Variants in DNMT3A observed in about 807,000 individuals in gnomAD.
The protein encoded by DNMT3A is DNA methyltransferase 3 alpha, also known as DNA (cytosine-5)-methyltransferase 3A.
DNMT3A carries 267 observed loss-of-function variants against 117.6 expected under a neutral mutation model. The observed-to-expected ratio is 2.27, with a 90% CI of 2.05 to 2.51. DNMT3A has a LOEUF of 2.51. Ranked by LOEUF, DNMT3A falls within the 30% of genes most tolerant of loss-of-function variation. The probability of loss-of-function intolerance (pLI) is 0.00; values close to 1 mark genes in which losing one functional copy is unlikely to be tolerated. For synonymous variants in DNMT3A, 432 were observed against 474.8 expected (o/e 0.91, Z 1.17); for missense variants, 1,029 against 1,260.2 (o/e 0.82, Z 2.78).
At chr2:25,341,311 C>T (rs2035436532) in intron 1 of DNMT3A, among the ~76,000 whole-genome samples, 1 of 145,312 alleles carries the variant, frequency 6.9e-6, no homozygotes, top group South Asian at 2.1e-4. Context: ...TCCCCCGCTC[C>T]CCCGGGCCGC....
In DNMT3A at chr2:25,234,411, AC is replaced by A; in HGVS notation, c.2606del (p.Gly869ValfsTer12). On this transcript the variant is annotated frameshift_variant, in exon 23 of 23. Transcript: ENST00000321117. LOFTEE classifies it high-confidence loss of function. The surrounding 1 kb of genome is among the most constrained non-coding windows in gnomAD (Gnocchi z 4.5). ...LWCTEMERVF[G>X]FPVHYTDVSN... ...AGACGTCAGTATAGTGGACTGGGAA[AC>A]CAAATACCCTGGGGGAGAAAAGGCA... 1 of 1,613,278 alleles carries A rather than the reference AC, an allele frequency of 6.2e-7. No individual in the cohort carries two copies. Among genetic ancestry groups the A allele is most frequent in the Non-Finnish European group, 8.5e-7 (1 of 1,179,510 alleles).
rs2149378785 is a variant in DNMT3A, at chr2:25,282,500, C to T, written c.389G>A (p.Arg130Lys). 1.2e-6 allele frequency: 2 copies of T among 1,613,450 alleles called. No homozygotes were observed. Among genetic ancestry groups the T allele is most frequent in the Non-Finnish European group, 1.7e-6 (2 of 1,179,942 alleles). The change falls in exon 4 of 23, where the codon AGA becomes AAA. Residue 130 changes from arginine to lysine, a missense_variant. Coordinates refer to ENST00000321117, the MANE Select transcript of DNMT3A (RefSeq NM_022552.5). The surrounding 1 kb of genome is among the most constrained non-coding windows in gnomAD (Gnocchi z 5.2). ...GAAETLPEAS[R>K]AVENGCCTPK... ...GGTGCAGCAGCCATTTTCCACTGCT[C>T]TTGAGGCTTCAGGCAGGGTCTCAGC... is the stretch of plus-strand genomic sequence containing the variant.
upstream of DNMT3A, among the ~76,000 whole-genome samples, chr2:25,342,238 T>C (rs1321011497): frequency 6.8e-6 from 1 of 147,420 alleles, no homozygotes; most frequent in Non-Finnish European, 1.5e-5. This position sits in a 1 kb window ranked among gnomAD's most constrained non-coding sequence, Gnocchi z 5.9. Flanking sequence ...TCGGCGCGAC[T>C]TCCCGGCCTC....
In DNMT3A at chr2:25,246,735, G is replaced by A. The variant is rs138150208; in HGVS notation, c.1164C>T (p.His388=). Residue 388 remains histidine, a synonymous_variant, in exon 10 of 23, where the codon CAC becomes CAT. Coordinates refer to ENST00000321117, the MANE Select transcript of DNMT3A (RefSeq NM_022552.5). ...SRAGKLFPVC[H]DSDESDTAKA... ...TGGCAGTGTCACTCTCATCGCTGTC[G>A]TGGCACACCGGGAACAGCTTCCCCG... 4.8e-5 allele frequency: 77 copies of A among 1,613,852 alleles called. No individual in the cohort carries two copies. The African/African-American group carries it at 5.5e-4, about 11-fold the overall frequency.
intron 3 of DNMT3A, among the ~76,000 whole-genome samples, chr2:25,288,415 G>A (rs1432400029): frequency 2.0e-5 from 3 of 151,520 alleles, no homozygotes; most frequent in South Asian, 2.1e-4. Context: ...ACGGAGTCTC[G>A]CTCTGTTGTC....
chr2:25,247,076 C>T lies in DNMT3A; in HGVS notation c.1097G>A (p.Arg366His), dbSNP rs767236033. The T allele has an allele frequency of 7.4e-6, 12 of 1,613,870 alleles. No individual in the cohort carries two copies. Among genetic ancestry groups the T allele is most frequent in the East Asian group, 2.2e-5 (1 of 44,894 alleles). Residue 366 changes from arginine (R) to histidine (H), a missense_variant, in exon 9 of 23, where the codon CGC (arginine) becomes CAC (histidine). Coordinates refer to ENST00000321117, the MANE Select transcript of DNMT3A (RefSeq NM_022552.5). The surrounding 1 kb of genome is among the most constrained non-coding windows in gnomAD (Gnocchi z 5.6). ...CTGCAGGACCTCGTAGATGGCTTTG[C>T]GGTACATGGGCTGCTTGTTGTACGT... ...QATYNKQPMY[R>H]KAIYEVLQVA...
At position 25,300,344 on chromosome 2, in the gene DNMT3A, C is replaced by T; in HGVS notation, c.73-101G>A. ...GCCCTGGCTTCCCTTCCAGCCCCAG[C>T]CTCCTCCTGTCCCACGAGCCACACT... On this transcript the variant is annotated intron_variant, in intron 2 of 22. Coordinates refer to ENST00000321117, the MANE Select transcript of DNMT3A (RefSeq NM_022552.5). The T allele has an allele frequency of 1.3e-5, 17 of 1,333,406 alleles. 1 individual carries two copies. The South Asian group carries it at 2.3e-4, about 18-fold the overall frequency. 82.6% of individuals were successfully genotyped at this position (1,333,406 alleles called of 1,614,324 possible). A position where few individuals can be genotyped will look rare whatever the true frequency, so the allele number is the denominator to read the frequency against.
chr2:25,294,084 C>T lies in DNMT3A; in HGVS notation c.177+6055G>A, dbSNP rs992425468. Among the ~76,000 whole-genome samples the T allele has an allele frequency of 7.9e-5, 12 of 152,228 alleles. No individual in the cohort carries two copies. Among genetic ancestry groups the T allele is most frequent in the African/African-American group, 2.7e-4 (11 of 41,450 alleles). ...TCACCCTGCCCTGCATGCCTTCCTT[C>T]CTCCACACCCAGCTCAGCTGGGGTC... On this transcript the variant is annotated intron_variant, in intron 3 of 22. Coordinates refer to ENST00000321117, the MANE Select transcript of DNMT3A (RefSeq NM_022552.5). This position sits in a 1 kb window ranked among gnomAD's most constrained non-coding sequence, Gnocchi z 4.7.
In DNMT3A at chr2:25,240,394, TG is replaced by T; in HGVS notation, c.2229del (p.Lys744ArgfsTer35). ...AAGAAGGGGCGATCATCTCCCTCCT[TG>T]GGCCGCGCATCATGCAGGAGGCGGT... ...EFYRLLHDAR[P>X]KEGDDRPFFW... On this transcript the variant is annotated frameshift_variant, in exon 19 of 23. Transcript: ENST00000321117. LOFTEE classifies it high-confidence loss of function. 6.2e-7 allele frequency: 1 copy of T among 1,613,952 alleles called. No homozygotes were observed. The highest frequency in any genetic ancestry group is 8.5e-7 in the Non-Finnish European group (1 of 1,179,932).
Position 25,235,677 on chromosome 2 carries a change from C to T in DNMT3A, c.2597+30G>A, listed in dbSNP as rs2304429. On this transcript the variant is annotated intron_variant, in intron 22 of 22. Transcript: ENST00000321117. ...AGCACAGCAATCAGAACAGCCACAC[C>T]GCAGCCAGATGCCAGCACAACCCGG... The T allele has an allele frequency of 0.55, 867,855 of 1,579,922 alleles. 246,712 individuals carry two copies. The highest frequency in any genetic ancestry group is 0.59 in the Non-Finnish European group (676,555 of 1,150,282).
intron 6 of DNMT3A, among the ~76,000 whole-genome samples, chr2:25,264,444 G>GT (rs557389980): frequency 8.4e-5 from 12 of 143,286 alleles, no homozygotes; most frequent in Non-Finnish European, 7.7e-5. Context: ...TGGGCCAAAG[G>GT]TTTTTTTTTT....
chr2:25,295,611 C>T (rs2033042141), intron 3 of DNMT3A, among the ~76,000 whole-genome samples: 1 of 152,212 alleles, frequency 6.6e-6, no homozygotes, highest in South Asian at 2.1e-4. Flanking sequence ...CAGAGAACCC[C>T]TGGGTAGGTA....
At position 25,304,246 on chromosome 2, in the gene DNMT3A, G is replaced by A. The variant is rs2033670053; in HGVS notation, c.73-4003C>T. Among the ~76,000 whole-genome samples the A allele has an allele frequency of 6.6e-6, 1 of 152,176 alleles. No homozygotes were observed. Among genetic ancestry groups the A allele is most frequent in the South Asian group, 2.1e-4 (1 of 4,828 alleles). The stretch of plus-strand genomic sequence containing the variant: ...GTTTCGCTCTGCTCTTTGCTTAGGA[G>A]TAACCTCAAGCTCTTTAACCTCCCT... On this transcript the variant is annotated intron_variant, in intron 2 of 22. Coordinates refer to ENST00000321117, the MANE Select transcript of DNMT3A (RefSeq NM_022552.5). This position sits in a 1 kb window ranked among gnomAD's most constrained non-coding sequence, Gnocchi z 4.3.
chr2:25,333,244 A>G (rs1277879404), intron 1 of DNMT3A, among the ~76,000 whole-genome samples: 3 of 151,930 alleles, frequency 2.0e-5, no homozygotes, highest in Non-Finnish European at 4.4e-5. Context: ...AGAGTCCACC[A>G]TGGGCTTGGG....
chr2:25,313,066 A>G (rs1277382092), intron 2 of DNMT3A, among the ~76,000 whole-genome samples: 1 of 152,148 alleles, frequency 6.6e-6, no homozygotes, highest in East Asian at 1.9e-4. Flanking sequence ...GGTGGCAGTG[A>G]GTTCACCATT....
chr2:25,251,954 G>T, intron 6 of DNMT3A: 1 of 498,664 alleles, frequency 2.0e-6, no homozygotes. Flanking sequence ...TGTCCCCCGA[G>T]GGCGCCAGGT....
chr2:25,238,992 A>G, intron 20 of DNMT3A, 138 bp downstream of exon 20: 1 of 677,856 alleles, frequency 1.5e-6, no homozygotes, highest in Non-Finnish European at 2.5e-6. Flanking sequence ...AGGAAAAGGA[A>G]ATAAGGAACA....
chr2:25,317,926 G>A (rs1277817387), intron 1 of DNMT3A, among the ~76,000 whole-genome samples: 1 of 152,084 alleles, frequency 6.6e-6, no homozygotes, highest in Non-Finnish European at 1.5e-5. Context: ...GTAGAGATGG[G>A]GTTTCTCCAT....
At chr2:25,303,823 A>G (rs1440901254) in intron 2 of DNMT3A, among the ~76,000 whole-genome samples, 1 of 152,242 alleles carries the variant, frequency 6.6e-6, no homozygotes. Flanking sequence ...GGAGGGGGCT[A>G]ACACGCCAAG....
Sources: gnomAD v4.1 joint callset for allele counts (sites outside exome capture counted in the v4.1 genomes callset) on GRCh38, gnomAD v4.1.1 for gene constraint, Gnocchi (gnomAD v3.1) non-coding constraint, MANE v1.5 for transcripts, NCBI Gene and HGNC (gene_info 2026-07-23, HGNC 2026-07-21) for gene names.